Variants in PDCD2 observed in about 807,000 individuals in gnomAD.
PDCD2 encodes programmed cell death 2, also known as uS5 assembly chaperone PDCD2.
Under a neutral mutation model 38.1 loss-of-function variants are expected in PDCD2, and 38 were observed. That is an observed-to-expected ratio of 1.00 (90% CI 0.77 to 1.31). The LOEUF is 1.31. Among genes scored for constraint, PDCD2 ranks in the 50% most tolerant of loss-of-function variants. The pLI, the probability that PDCD2 is intolerant of heterozygous loss-of-function variation, is 0.00. For missense variants in PDCD2, 473 were observed against 435.7 expected, an observed-to-expected ratio of 1.09 and a Z score of -0.76; for synonymous variants, 205 against 168.9, an observed-to-expected ratio of 1.21 and a Z score of -1.66.
chr6:170,583,279 G>C, intron 2 of PDCD2, 91 bp from the exon 3 acceptor site: 2 of 1,011,092 alleles, frequency 2.0e-6, no homozygotes, highest in Non-Finnish European at 2.9e-6. Context: ...ATTCCCTATA[G>C]TTCTGGCATT....
Position 170,577,233 on chromosome 6 carries a change from C to T in PDCD2, c.*326G>A, listed in dbSNP as rs899726960. ...GTTGGTAACCAGTTCACTAAGTGTA[C>T]ATCTTTGCAGATTTCTGTGCATACA... On this transcript the variant is annotated 3_prime_UTR_variant, in exon 6 of 6. Coordinates refer to ENST00000541970, the MANE Select transcript of PDCD2 (RefSeq NM_002598.4). 3.6e-5 allele frequency: 7 copies of T among 195,154 alleles called. No individual in the cohort carries two copies. Among genetic ancestry groups the T allele is most frequent in the Admixed American group, 2.2e-4 (4 of 18,126 alleles). 12.1% of individuals were successfully genotyped at this position (195,154 alleles called of 1,614,324 possible). A position where few individuals can be genotyped will look rare whatever the true frequency, so the allele number is the denominator to read the frequency against.
At chr6:170,581,490 T>C (rs1779594726) in intron 3 of PDCD2, 1 of 152,290 alleles carries the variant, frequency 6.6e-6, no homozygotes, top group Non-Finnish European at 1.5e-5. Context: ...AGTTCTGACA[T>C]GGCCCTAGTA....
Position 170,577,730 on chromosome 6 carries a change from T to C in PDCD2, c.877-13A>G. On this transcript the variant is annotated splice_polypyrimidine_tract_variant and intron_variant, in intron 5 of 5. Coordinates refer to ENST00000541970, the MANE Select transcript of PDCD2 (RefSeq NM_002598.4). ...GCTGAGGCATGACCTGAGAAGAGGG[T>C]GACACACAGTTAGAAAGCTGCTTCA... The C allele has an allele frequency of 1.2e-6, 2 of 1,611,574 alleles. No individual in the cohort carries two copies. The highest frequency in any genetic ancestry group is 1.7e-6 in the Non-Finnish European group (2 of 1,179,656).
intron 1 of PDCD2, chr6:170,583,969 C>T (rs1779718189): frequency 7.2e-6 from 4 of 553,746 alleles, no homozygotes; most frequent in East Asian, 6.1e-5. Context: ...TAAGACTGAT[C>T]GTTAAGAACG....
intron 1 of PDCD2, 97 bp downstream of exon 1, chr6:170,584,202 C>T: frequency 8.1e-7 from 1 of 1,233,890 alleles, no homozygotes; most frequent in Non-Finnish European, 1.0e-6. Flanking sequence ...GCTGGGGCGG[C>T]AGCGGTGCTT....
In PDCD2 at chr6:170,577,697, G is replaced by A. The variant is rs768784755; in HGVS notation, c.897C>T (p.Asn299=). 6.2e-7 allele frequency: 1 copy of A among 1,612,920 alleles called. No homozygotes were observed. Among genetic ancestry groups the A allele is most frequent in the South Asian group, 1.1e-5 (1 of 91,018 alleles). ...TGCCCAGTCTGTCAGCCTTCAGGTA[G>A]TTTAGGAGCTGAGGCATGACCTGAG... ...LEFQVMPQLL[N]YLKADRLGKS... Residue 299 remains asparagine, a synonymous_variant, in exon 6 of 6, where the codon AAC becomes AAT. Transcript: ENST00000541970.
Position 170,580,108 on chromosome 6 carries a change from G to A in PDCD2, c.659-3C>T. 1 of 1,569,024 alleles carries A rather than the reference G, an allele frequency of 6.4e-7. No individual in the cohort carries two copies. On this transcript the variant is annotated splice_polypyrimidine_tract_variant and splice_region_variant and intron_variant, in intron 3 of 5. Transcript: ENST00000541970. ...CAGTTCTTCCTCAAGTGCTTCACCT[G>A]AAAAATCAACGTAACTATTATGAAA...
chr6:170,578,936 C>T lies in PDCD2; in HGVS notation c.797G>A (p.Trp266Ter), dbSNP rs1779520540. Reference sequence around the variant, plus strand: ...TTGAGGAATATTTTCACCAGAAATCCAGATGGGGGCAATACCTCTGCCATA... The same window carrying T: ...TTGAGGAATATTTTCACCAGAAATCTAGATGGGGGCAATACCTCTGCCATA... ...LRYGRGIAPI[W>*]ISGENIPQEK... The change falls in exon 5 of 6, where the codon TGG becomes TAG. Residue 266 changes from tryptophan (W) to a stop codon, truncating the protein, a stop_gained. Coordinates refer to ENST00000541970, the MANE Select transcript of PDCD2 (RefSeq NM_002598.4). LOFTEE classifies it high-confidence loss of function. 3 of 1,604,016 alleles carry T rather than the reference C, an allele frequency of 1.9e-6. No homozygotes were observed. The highest frequency in any genetic ancestry group is 2.6e-6 in the Non-Finnish European group (3 of 1,176,366).
chr6:170,584,182 G>T, intron 1 of PDCD2, 117 bp downstream of exon 1: 1 of 1,124,914 alleles, frequency 8.9e-7, no homozygotes, highest in Non-Finnish European at 1.2e-6. Flanking sequence ...CGCGGAGAGG[G>T]AGCTCTGAGG....
At chr6:170,578,751 A>G (rs555092562) in intron 5 of PDCD2, 106 bp downstream of exon 5, 21 of 776,674 alleles carry the variant, frequency 2.7e-5, no homozygotes, top group Non-Finnish European at 4.7e-5. Context: ...GTACCCTTCC[A>G]TACTGCCATG....
chr6:170,582,869 C>T (rs767274753), intron 3 of PDCD2, 188 bp downstream of exon 3: 1 of 1,408,608 alleles, frequency 7.1e-7, no homozygotes, highest in Non-Finnish European at 9.2e-7. Context: ...GGGAGCAGAA[C>T]ACACCTCTTA....
At chr6:170,578,486 G>C in intron 5 of PDCD2, 1 of 628,506 alleles carries the variant, frequency 1.6e-6, no homozygotes, top group Non-Finnish European at 2.8e-6. Context: ...CTCTCATAAA[G>C]TATATAGTCA....
intron 3 of PDCD2, 33 bp from the exon 4 acceptor site, chr6:170,580,138 G>A (rs375961362): frequency 7.7e-7 from 1 of 1,291,026 alleles, no homozygotes. Context: ...ATGAAAAACA[G>A]GAGTAATCCC....
At chr6:170,583,975 G>A in intron 1 of PDCD2, 1 of 551,082 alleles carries the variant, frequency 1.8e-6, no homozygotes, top group Non-Finnish European at 3.2e-6. Flanking sequence ...TGATCGTTAA[G>A]AACGACTGCC....
At chr6:170,581,673 GT>G (rs1779601493) in intron 3 of PDCD2, 1 of 160,830 alleles carries the variant, frequency 6.2e-6, no homozygotes, top group African/African-American at 2.4e-5. Flanking sequence ...TCAGTTCTCA[GT>G]AACACCAACA....
Position 170,578,966 on chromosome 6 carries a change from A to G in PDCD2, c.767T>C (p.Leu256Pro). ...GGGGGCAATACCTCTGCCATATCTA[A>G]GAATCTAAAATCAATGAAGATCATG... ...TQIALEPEQI[L>P]RYGRGIAPIW... The change falls in exon 5 of 6, where the codon CTT (leucine) becomes CCT (proline). Residue 256 changes from leucine to proline, a missense_variant. By Grantham distance (98) the Leu-to-Pro change is moderately conservative. Transcript: ENST00000541970. 1 of 1,553,628 alleles carries G rather than the reference A, an allele frequency of 6.4e-7. No individual in the cohort carries two copies. Among genetic ancestry groups the G allele is most frequent in the East Asian group, 2.2e-5 (1 of 44,646 alleles).
intron 5 of PDCD2, chr6:170,578,407 ATTTATCT>A (rs1779503226): frequency 1.9e-6 from 1 of 535,224 alleles, no homozygotes; most frequent in Admixed American, 3.6e-5. Context: ...AGGGAAGGAC[ATTTATCT>A]TTAATGCTTA....
At position 170,578,953 on chromosome 6, in the gene PDCD2, TCTG is replaced by T; in HGVS notation, c.777_779del (p.Arg260del). The stretch of plus-strand genomic sequence containing the variant: ...CAGAAATCCAGATGGGGGCAATACC[TCTG>T]CCATATCTAAGAATCTAAAATCAAT... On this transcript the variant is annotated inframe_deletion, in exon 5 of 6. Transcript: ENST00000541970. 6.3e-7 allele frequency: 1 copy of T among 1,578,536 alleles called. No individual in the cohort carries two copies. The highest frequency in any genetic ancestry group is 8.6e-7 in the Non-Finnish European group (1 of 1,162,304).
Position 170,577,385 on chromosome 6 carries a change from A to T in PDCD2, c.*174T>A. The T allele has an allele frequency of 1.7e-6, 1 of 585,174 alleles. No individual in the cohort carries two copies. Among genetic ancestry groups the T allele is most frequent in the Non-Finnish European group, 3.0e-6 (1 of 335,376 alleles). 36.2% of individuals were successfully genotyped at this position (585,174 alleles called of 1,614,324 possible). A position where few individuals can be genotyped will look rare whatever the true frequency, so the allele number is the denominator to read the frequency against. ...TCTGTGGATGTACCAAAATTTATTT[A>T]ATTCCCTGTCACTGGACACTTTTGT... On this transcript the variant is annotated 3_prime_UTR_variant, in exon 6 of 6. Transcript: ENST00000541970.
Sources: gnomAD v4.1 joint callset for allele counts on GRCh38, gnomAD v4.1.1 for gene constraint, MANE v1.5 for transcripts, NCBI Gene and HGNC (gene_info 2026-07-23, HGNC 2026-07-21) for gene names.